SKAP2: variants seen among roughly 807,000 people sequenced by gnomAD.
SKAP2 encodes the protein src kinase-associated phosphoprotein 2.
Under a neutral mutation model 54.9 loss-of-function variants are expected in SKAP2, and 28 were observed. The observed-to-expected ratio is 0.51, with a 90% CI of 0.38 to 0.70. The LOEUF (loss-of-function observed/expected upper bound fraction) is 0.70, where lower values mean the gene tolerates loss of function less well. SKAP2 is among the 30% of genes least tolerant of loss of function. The pLI is 0.00. For missense variants in SKAP2, 356 were observed against 424.1 expected (o/e 0.84, Z 1.41); for synonymous variants, 137 against 134.3 (o/e 1.02, Z -0.14).
chr7:26,831,856 C>A (rs938151509), intron 4 of SKAP2, among the ~76,000 whole-genome samples: 3 of 152,028 alleles, frequency 2.0e-5, no homozygotes, highest in Admixed American at 1.3e-4. Flanking sequence ...GAAGCCAGAG[C>A]CAAAACTTTT....
intron 4 of SKAP2, among the ~76,000 whole-genome samples, chr7:26,787,351 C>T (rs920032315): frequency 1.3e-5 from 2 of 151,386 alleles, no homozygotes; most frequent in African/African-American, 4.9e-5. Context: ...GAGACAGAGT[C>T]TTCCTCTGCC....
chr7:26,693,048 G>A (rs1244901495), intron 9 of SKAP2, among the ~76,000 whole-genome samples: 1 of 152,030 alleles, frequency 6.6e-6, no homozygotes, highest in East Asian at 1.9e-4. Context: ...AGAGACTGTG[G>A]GGGCTGGGCA....
chr7:26,660,622 TG>T, the SKAP2 span, among the ~76,000 whole-genome samples: 1 of 152,018 alleles, frequency 6.6e-6, no homozygotes. Context: ...TAATCACAGT[TG>T]CCACAATTTA....
chr7:26,725,209 AT>A (rs1412096372), intron 9 of SKAP2, among the ~76,000 whole-genome samples: 2 of 152,130 alleles, frequency 1.3e-5, no homozygotes, highest in African/African-American at 4.8e-5. Context: ...TTAATGTTTC[AT>A]TCACTTTTCG....
chr7:26,807,829 C>A (rs1784061420), intron 4 of SKAP2, among the ~76,000 whole-genome samples: 1 of 152,166 alleles, frequency 6.6e-6, no homozygotes, highest in African/African-American at 2.4e-5. Context: ...GACGCTCCAC[C>A]AGCAAAAAGA....
chr7:26,700,640 T>G (rs1405281418), intron 9 of SKAP2, among the ~76,000 whole-genome samples: 2 of 152,198 alleles, frequency 1.3e-5, no homozygotes, highest in African/African-American at 4.8e-5. Context: ...TGCCTCAATT[T>G]GGCACAATCC....
intron 10 of SKAP2, among the ~76,000 whole-genome samples, chr7:26,685,535 C>G (rs964198817): frequency 6.6e-6 from 1 of 152,088 alleles, no homozygotes; most frequent in African/African-American, 2.4e-5. Context: ...TTGTCAGCCC[C>G]GGTTTAGGAC....
chr7:26,681,090 G>GA (rs1786482378), intron 11 of SKAP2, among the ~76,000 whole-genome samples: 1 of 152,180 alleles, frequency 6.6e-6, no homozygotes, highest in Non-Finnish European at 1.5e-5. Flanking sequence ...TTTCTGTAGT[G>GA]ATTTTTAAAT....
chr7:26,790,114 TC>T (rs1783643476), intron 4 of SKAP2, among the ~76,000 whole-genome samples: 1 of 152,162 alleles, frequency 6.6e-6, no homozygotes, highest in South Asian at 2.1e-4. Context: ...CTCTAACTGT[TC>T]ATTCTATAGT....
At chr7:26,773,194 T>C (rs1783226393) in intron 4 of SKAP2, among the ~76,000 whole-genome samples, 1 of 152,240 alleles carries the variant, frequency 6.6e-6, no homozygotes, top group African/African-American at 2.4e-5. Flanking sequence ...ACCCTTACTG[T>C]GGCTGTTACT....
chr7:26,694,094 T>C (rs1562577957), intron 9 of SKAP2, among the ~76,000 whole-genome samples: 2 of 152,196 alleles, frequency 1.3e-5, no homozygotes, highest in Admixed American at 6.5e-5. Context: ...ATTAGAAATA[T>C]ATACATTCAC....
chr7:26,738,156 C>G (rs1018825499), intron 6 of SKAP2, among the ~76,000 whole-genome samples: 8 of 152,136 alleles, frequency 5.3e-5, no homozygotes, highest in Admixed American at 1.3e-4. Context: ...CTAGATCTGC[C>G]ATTTTCCAAC....
intron 5 of SKAP2, among the ~76,000 whole-genome samples, chr7:26,739,526 C>G (rs1782384622): frequency 6.6e-6 from 1 of 152,176 alleles, no homozygotes; most frequent in South Asian, 2.1e-4. Flanking sequence ...AACCATGGTG[C>G]ATGCCAGTTT....
At chr7:26,848,011 G>A (rs920453435) in intron 3 of SKAP2, 1 of 152,102 alleles carries the variant, frequency 6.6e-6, no homozygotes, top group Non-Finnish European at 1.5e-5. Context: ...TATAATTTCA[G>A]TAGTAACAAA....
chr7:26,757,008 C>T (rs765756439), intron 4 of SKAP2, among the ~76,000 whole-genome samples: 21 of 152,158 alleles, frequency 1.4e-4, no homozygotes, highest in Non-Finnish European at 2.4e-4. Flanking sequence ...ATACCCTTCA[C>T]CCACTTTTTG....
chr7:26,809,247 C>G (rs1030751811), intron 4 of SKAP2, among the ~76,000 whole-genome samples: 2 of 152,062 alleles, frequency 1.3e-5, no homozygotes, highest in Non-Finnish European at 2.9e-5. Context: ...AACCTCATCT[C>G]TACTAAACAT....
intron 3 of SKAP2, among the ~76,000 whole-genome samples, chr7:26,845,225 T>C (rs1784898133): frequency 1.3e-5 from 2 of 152,204 alleles, no homozygotes; most frequent in African/African-American, 4.8e-5. Flanking sequence ...TTAATGCTAC[T>C]TGTCTCTCCA....
At chr7:26,711,844 C>T (rs912310738) in intron 9 of SKAP2, among the ~76,000 whole-genome samples, 31 of 152,190 alleles carry the variant, frequency 2.0e-4, no homozygotes, top group Admixed American at 1.1e-3. Flanking sequence ...GAGATACACA[C>T]ACAGGAAGTG....
intron 4 of SKAP2, among the ~76,000 whole-genome samples, chr7:26,747,164 G>C (rs549397344): frequency 6.6e-6 from 1 of 151,832 alleles, no homozygotes; most frequent in East Asian, 1.9e-4. Context: ...TTTTCAAAAA[G>C]CTTGTTTTCT....
Sources: gnomAD v4.1 joint callset for allele counts (sites outside exome capture counted in the v4.1 genomes callset) on GRCh38, gnomAD v4.1.1 for gene constraint, MANE v1.5 for transcripts, NCBI Gene and HGNC (gene_info 2026-07-23, HGNC 2026-07-21) for gene names.